Variants in UGT2B10 observed in about 807,000 individuals in gnomAD.
The protein encoded by UGT2B10 is UDP glucuronosyltransferase family 2 member B10.
Under a neutral mutation model 43.7 loss-of-function variants are expected in UGT2B10, and 51 were observed. That is an observed-to-expected ratio of 1.17 (90% CI 0.93 to 1.47). The LOEUF (loss-of-function observed/expected upper bound fraction) is 1.47, where lower values mean the gene tolerates loss of function less well. Among genes scored for constraint, UGT2B10 ranks in the 40% most tolerant of loss-of-function variants. UGT2B10 has a pLI of 0.00. For synonymous variants in UGT2B10, 225 were observed against 209.0 expected (o/e 1.08, Z -0.66); for missense variants, 696 against 617.7 (o/e 1.13, Z -1.34).
intron 3 of UGT2B10, among the ~76,000 whole-genome samples, chr4:68,825,247 T>TA (rs968414034): frequency 0.018 from 154 of 8,510 alleles, no homozygotes; most frequent in African/African-American, 0.018. Context: ...ACTAAATTGT[T>TA]ACTTTTTTTA....
intron 5 of UGT2B10, among the ~76,000 whole-genome samples, chr4:68,830,163 T>G (rs1316637232): frequency 3.3e-5 from 5 of 152,100 alleles, no homozygotes; most frequent in Admixed American, 6.6e-5. Context: ...GAACTAATAG[T>G]GTAATGTGGA....
intron 3 of UGT2B10, among the ~76,000 whole-genome samples, chr4:68,825,112 C>T (rs1257247364): frequency 1.3e-5 from 2 of 151,882 alleles, no homozygotes; most frequent in Non-Finnish European, 2.9e-5. Context: ...AATATAATAA[C>T]TTACAGACAA....
chr4:68,821,996 A>G (rs1460080668), intron 2 of UGT2B10, among the ~76,000 whole-genome samples: 2 of 152,174 alleles, frequency 1.3e-5, no homozygotes, highest in African/African-American at 4.8e-5. Flanking sequence ...CCCTGACTAC[A>G]ATGTAATAGC....
intron 2 of UGT2B10, among the ~76,000 whole-genome samples, chr4:68,821,623 G>C (rs935521468): frequency 6.6e-6 from 1 of 152,066 alleles, no homozygotes; most frequent in Admixed American, 6.6e-5. Context: ...CACAATACTA[G>C]ACTCCAGAAT....
At chr4:68,821,389 C>T (rs1737487149) in intron 2 of UGT2B10, among the ~76,000 whole-genome samples, 1 of 152,142 alleles carries the variant, frequency 6.6e-6, no homozygotes, top group Non-Finnish European at 1.5e-5. Flanking sequence ...GTGGCCTCTC[C>T]TATTCTGGTG....
At chr4:68,830,464 A>C in intron 5 of UGT2B10, 136 bp from the exon 6 acceptor site, 2 of 1,136,500 alleles carry the variant, frequency 1.8e-6, no homozygotes, top group Non-Finnish European at 1.1e-6. Context: ...GACTCAAATT[A>C]AAATACATAA....
chr4:68,818,911 C>A (rs1378899186), intron 2 of UGT2B10, among the ~76,000 whole-genome samples: 1 of 151,718 alleles, frequency 6.6e-6, no homozygotes, highest in Non-Finnish European at 1.5e-5. Flanking sequence ...AAAAAGAGTT[C>A]AGAAATAAGG....
chr4:68,818,609 T>C (rs1737341397), intron 2 of UGT2B10, among the ~76,000 whole-genome samples: 1 of 67,736 alleles, frequency 1.5e-5, no homozygotes, highest in African/African-American at 3.4e-5. Flanking sequence ...ATATAAAAAC[T>C]ATTATCTCAA....
intron 5 of UGT2B10, among the ~76,000 whole-genome samples, chr4:68,828,066 C>A (rs1425489911): frequency 6.6e-6 from 1 of 151,858 alleles, no homozygotes; most frequent in Non-Finnish European, 1.5e-5. Flanking sequence ...GAAGTCATCA[C>A]CAGTGTATAA....
intron 1 of UGT2B10, among the ~76,000 whole-genome samples, chr4:68,817,746 C>T (rs185447208): frequency 3.6e-4 from 54 of 151,744 alleles, no homozygotes; most frequent in African/African-American, 1.2e-3. Flanking sequence ...ATGTTTAATT[C>T]TCTATGACTT....
chr4:68,818,051 G>A lies in UGT2B10; in HGVS notation c.741G>A (p.Glu247=), dbSNP rs1737302960. The A allele has an allele frequency of 6.2e-7, 1 of 1,610,396 alleles. No homozygotes were observed. Among genetic ancestry groups the A allele is most frequent in the Admixed American group, 1.7e-5 (1 of 59,706 alleles). ...CAGGAAGACCCACTACATTATCTGA[G>A]ACAATGAGGAAAGCTGACATATGGC... is the stretch of plus-strand genomic sequence containing the variant. ...EVLGRPTTLS[E]TMRKADIWLM... is the part of the protein sequence containing the mutation. The change falls in exon 2 of 6, where the codon GAG becomes GAA. Residue 247 remains glutamate, a synonymous_variant. Transcript: ENST00000265403.
rs954239353 is a variant in UGT2B10 at position 68,831,720 on chromosome 4, G to C, written c.*841G>C. On this transcript the variant is annotated 3_prime_UTR_variant, in exon 6 of 6. Coordinates refer to ENST00000265403, the MANE Select transcript of UGT2B10 (RefSeq NM_001075.6). ...CTCTCTTGTTTCTAGTTGTTTTCTT[G>C]GTCTTAACTACCCATTATATGCTTT... 5.9e-5 allele frequency among the ~76,000 whole-genome samples: 9 copies of C among 151,866 alleles called. No homozygotes were observed. Among genetic ancestry groups the C allele is most frequent in the Non-Finnish European group, 1.2e-4 (8 of 67,956 alleles).
At chr4:68,820,324 G>A (rs1369925506) in intron 2 of UGT2B10, among the ~76,000 whole-genome samples, 2 of 151,856 alleles carry the variant, frequency 1.3e-5, no homozygotes, top group African/African-American at 4.8e-5. Context: ...TTATATATTA[G>A]ATTCTCAGAT....
chr4:68,820,988 A>C (rs546475195), intron 2 of UGT2B10, among the ~76,000 whole-genome samples: 5 of 152,124 alleles, frequency 3.3e-5, no homozygotes, highest in Non-Finnish European at 5.9e-5. Context: ...GTAAGATGAA[A>C]CACTGAACAC....
At chr4:68,828,247 T>C (rs1352579585) in intron 5 of UGT2B10, among the ~76,000 whole-genome samples, 1 of 152,056 alleles carries the variant, frequency 6.6e-6, no homozygotes, top group Non-Finnish European at 1.5e-5. Flanking sequence ...GTAAATGACA[T>C]TTCACCTAGC....
Position 68,827,481 on chromosome 4 carries a change from G to C in UGT2B10, c.1240G>C (p.Val414Leu), listed in dbSNP as rs758163572. ...HMKAKGAAVR[V>L]DFNTMSSTDL... ...GAAGGCCAAGGGAGCAGCTGTTAGAGTGGACTTCAACACAATGTCGAGTAC... is the reference window on the plus strand; with the variant it reads ...GAAGGCCAAGGGAGCAGCTGTTAGACTGGACTTCAACACAATGTCGAGTAC... Residue 414 changes from valine (V) to leucine (L), a missense_variant, in exon 5 of 6, where the codon GTG becomes CTG. Transcript: ENST00000265403. 1 of 1,613,484 alleles carries C rather than the reference G, an allele frequency of 6.2e-7. No homozygotes were observed. The highest frequency in any genetic ancestry group is 8.5e-7 in the Non-Finnish European group (1 of 1,179,594).
intron 5 of UGT2B10, 77 bp downstream of exon 5, chr4:68,827,625 CTTTT>C: frequency 6.3e-7 from 1 of 1,577,310 alleles, no homozygotes; most frequent in Non-Finnish European, 8.6e-7. Flanking sequence ...GAGTTTCATC[CTTTT>C]TATAAGAGAG....
At chr4:68,823,704 A>G (rs150633194) in intron 3 of UGT2B10, among the ~76,000 whole-genome samples, 11 of 152,262 alleles carry the variant, frequency 7.2e-5, no homozygotes, top group African/African-American at 2.6e-4. Flanking sequence ...CTTTATGAAT[A>G]TGACAAATAA....
At chr4:68,819,387 A>G (rs191823913) in intron 2 of UGT2B10, among the ~76,000 whole-genome samples, 58 of 152,104 alleles carry the variant, frequency 3.8e-4, no homozygotes, top group African/African-American at 1.4e-3. Context: ...CAGTTGTGAC[A>G]GCAAGATAAG....
Sources: gnomAD v4.1 joint callset for allele counts (sites outside exome capture counted in the v4.1 genomes callset) on GRCh38, gnomAD v4.1.1 for gene constraint, MANE v1.5 for transcripts, NCBI Gene and HGNC (gene_info 2026-07-23, HGNC 2026-07-21) for gene names.